Variants in LYN observed in about 807,000 individuals in gnomAD.
LYN encodes the protein tyrosine-protein kinase Lyn.
Under a neutral mutation model 65.0 loss-of-function variants are expected in LYN, and 12 were observed. The ratio of observed to expected loss-of-function variants is 0.18; its 90% CI spans 0.12 to 0.30. LYN has a LOEUF of 0.30. Ranked by LOEUF, LYN falls within the 10% of genes least tolerant of loss-of-function variation. The pLI is 1.00. For missense variants in LYN, 380 were observed against 623.2 expected (o/e 0.61, Z 4.16); for synonymous variants, 222 against 221.2 (o/e 1.00, Z -0.03).
chr8:55,903,713 A>G (rs1423841148), intron 1 of LYN, among the ~76,000 whole-genome samples: 1 of 152,204 alleles, frequency 6.6e-6, no homozygotes, highest in African/African-American at 2.4e-5. Flanking sequence ...CTATTATTCT[A>G]AATGTAGAAT....
intron 1 of LYN, among the ~76,000 whole-genome samples, chr8:55,896,752 A>G (rs1295156977): frequency 6.6e-6 from 1 of 151,986 alleles, no homozygotes; most frequent in Non-Finnish European, 1.5e-5. Context: ...TTATTTATTT[A>G]TTTAGAGACA....
In LYN at chr8:55,907,128, TC is replaced by T. The variant is rs369470732; in HGVS notation, c.-6+27027del. On this transcript the variant is annotated intron_variant, in intron 1 of 12. Coordinates refer to ENST00000519728, the MANE Select transcript of LYN (RefSeq NM_002350.4). The stretch of plus-strand genomic sequence containing the variant: ...AAACATAGGTCCACAAAAAGACATG[TC>T]CAGTTCTATATATGGCAGCTTTATT... Among the ~76,000 whole-genome samples, 1,057 of 152,284 alleles carry T rather than the reference TC, an allele frequency of 6.9e-3. 12 individuals carry two copies. The highest frequency in any genetic ancestry group is 0.024 in the African/African-American group (1,015 of 41,550).
chr8:55,986,382 C>T (rs1032270852), intron 10 of LYN, among the ~76,000 whole-genome samples: 1 of 152,090 alleles, frequency 6.6e-6, no homozygotes, highest in East Asian at 1.9e-4. Flanking sequence ...CGGGGTAGTA[C>T]AGTGAGTTTT....
At chr8:55,963,660 G>A (rs907424) in intron 8 of LYN, among the ~76,000 whole-genome samples, 71,599 of 151,988 alleles carry the variant, frequency 0.47, 17,671 homozygotes, top group African/African-American at 0.59. Context: ...TTCTCTGGTT[G>A]CTAATAAGAT....
At chr8:56,004,072 A>G (rs1173451110) in intron 12 of LYN, among the ~76,000 whole-genome samples, 1 of 150,746 alleles carries the variant, frequency 6.6e-6, no homozygotes, top group African/African-American at 2.4e-5. Context: ...AGCTGGGATT[A>G]CAGGCATGTG....
chr8:55,962,021 G>A (rs931597191), intron 8 of LYN, among the ~76,000 whole-genome samples: 2 of 152,194 alleles, frequency 1.3e-5, no homozygotes, highest in African/African-American at 2.4e-5. Flanking sequence ...TGCTGTTTTT[G>A]TACTTTGTAT....
intron 12 of LYN, among the ~76,000 whole-genome samples, chr8:56,001,949 C>T (rs1312279211): frequency 6.6e-6 from 1 of 152,024 alleles, no homozygotes; most frequent in Non-Finnish European, 1.5e-5. Flanking sequence ...GCACAATGCC[C>T]AGGATTTGGA....
intron 1 of LYN, chr8:55,902,934 C>T (rs562239286): frequency 2.0e-4 from 62 of 308,720 alleles, no homozygotes; most frequent in African/African-American, 1.2e-3. Flanking sequence ...CTGCAACCTC[C>T]GCCTCTTGGG....
chr8:55,942,141 C>T (rs187192360), intron 2 of LYN, 150 bp downstream of exon 2: 9 of 803,134 alleles, frequency 1.1e-5, no homozygotes, highest in Non-Finnish European at 1.7e-5. Context: ...TAACTTTATC[C>T]TTTGAAGAAT....
At chr8:55,942,413 ATGTGTGTATATATATATATGTGTG>A (rs1806648025) in intron 2 of LYN, among the ~76,000 whole-genome samples, 1 of 143,870 alleles carries the variant, frequency 7.0e-6, no homozygotes, top group Non-Finnish European at 1.5e-5. Context: ...GTGTATATAT[ATGTGTGTATATATATATATGTGTG>A]TGTGTGTATA....
In LYN at chr8:55,950,866, A is replaced by G. The variant is rs897781474; in HGVS notation, c.487+82A>G. Reference sequence around the variant, plus strand: ...ACTATTCTAGAGCTACTCAAGGGGAAAAAAGGGCATATAGTATGCTCTGGT... The same window carrying G: ...ACTATTCTAGAGCTACTCAAGGGGAGAAAAGGGCATATAGTATGCTCTGGT... On this transcript the variant is annotated intron_variant, in intron 6 of 12. Coordinates refer to ENST00000519728, the MANE Select transcript of LYN (RefSeq NM_002350.4). The G allele has an allele frequency of 3.0e-6, 3 of 985,070 alleles. No individual in the cohort carries two copies. The African/African-American group carries it at 4.8e-5, about 16-fold the overall frequency. The allele number at this position is 985,070 out of a possible 1,614,324, so 61.0% of individuals were successfully genotyped here. A position where few individuals can be genotyped will look rare whatever the true frequency, so the allele number is the denominator to read the frequency against.
intron 1 of LYN, among the ~76,000 whole-genome samples, chr8:55,899,284 G>C (rs899856376): frequency 7.2e-5 from 11 of 152,142 alleles, no homozygotes; most frequent in African/African-American, 2.7e-4. Context: ...GATGCTTGGG[G>C]ATAATAAATA....
chr8:55,906,121 ACT>A (rs952579017), intron 1 of LYN, among the ~76,000 whole-genome samples: 2 of 152,106 alleles, frequency 1.3e-5, no homozygotes, highest in African/African-American at 2.4e-5. Flanking sequence ...CGCCCTGTAA[ACT>A]CTGGGCAAAT....
chr8:55,953,911 C>G lies in LYN; in HGVS notation c.717C>G (p.Ala239=). The G allele has an allele frequency of 6.2e-7, 1 of 1,614,126 alleles. No homozygotes were observed. The highest frequency in any genetic ancestry group is 8.5e-7 in the Non-Finnish European group (1 of 1,180,012). ...CACAGAAGCCATGGGATAAAGATGC[C>G]TGGGAGATCCCCCGGGAGTCCATCA... The part of the protein sequence containing the change: ...PKPQKPWDKD[A]WEIPRESIKL... The change falls in exon 8 of 13, where the codon GCC becomes GCG. Residue 239 remains alanine, a synonymous_variant. Coordinates refer to ENST00000519728, the MANE Select transcript of LYN (RefSeq NM_002350.4).
chr8:55,915,941 G>A (rs1293292222), intron 1 of LYN, among the ~76,000 whole-genome samples: 1 of 152,156 alleles, frequency 6.6e-6, no homozygotes, highest in Non-Finnish European at 1.5e-5. Context: ...TCTAAGATAT[G>A]ACATGAGTAT....
At position 56,010,818 on chromosome 8, in the gene LYN, C is replaced by T. The variant is rs1347581834; in HGVS notation, c.*708C>T. 2 of 230,544 alleles carry T rather than the reference C, an allele frequency of 8.7e-6. No homozygotes were observed. Among genetic ancestry groups the T allele is most frequent in the Non-Finnish European group, 1.7e-5 (2 of 116,490 alleles). The allele number at this position is 230,544 out of a possible 1,614,324, so 14.3% of individuals were successfully genotyped here. On this transcript the variant is annotated 3_prime_UTR_variant, in exon 13 of 13. Transcript: ENST00000519728. ...CGCACAGCTGCCCTGTCTGCTCACC[C>T]GAAGGCACCGGGCTCACCTGGACCT...
chr8:55,915,159 C>A (rs530714108), intron 1 of LYN, among the ~76,000 whole-genome samples: 1 of 152,270 alleles, frequency 6.6e-6, no homozygotes. Context: ...CAGTTTCCAT[C>A]GCTGTGTTGC....
intron 8 of LYN, among the ~76,000 whole-genome samples, chr8:55,959,140 T>A (rs900520904): frequency 2.6e-5 from 4 of 152,190 alleles, no homozygotes; most frequent in Non-Finnish European, 4.4e-5. Context: ...TTTTGGGGAT[T>A]TTTTTTGTTG....
intron 7 of LYN, 83 bp downstream of exon 7, chr8:55,952,198 A>G: frequency 9.2e-7 from 1 of 1,091,186 alleles, no homozygotes; most frequent in Non-Finnish European, 1.3e-6. Flanking sequence ...TTTATATTAA[A>G]ACTTTTTATG....
Sources: gnomAD v4.1 joint callset for allele counts (sites outside exome capture counted in the v4.1 genomes callset) on GRCh38, gnomAD v4.1.1 for gene constraint, MANE v1.5 for transcripts, NCBI Gene and HGNC (gene_info 2026-07-23, HGNC 2026-07-21) for gene names.